IFT74: variants seen among roughly 807,000 people sequenced by gnomAD.
The protein encoded by IFT74 is intraflagellar transport 74.
IFT74 carries 92 observed loss-of-function variants against 96.7 expected under a neutral mutation model. That is an observed-to-expected ratio of 0.95 (90% CI 0.80 to 1.13). IFT74 has a LOEUF of 1.13. IFT74 is among the 50% of genes most tolerant of loss of function. The pLI is 0.00. For synonymous variants in IFT74, 223 were observed against 213.2 expected (o/e 1.05, Z -0.40); for missense variants, 811 against 698.2 (o/e 1.16, Z -1.82).
chr9:27,015,893 AAG>A (rs1341290357), intron 10 of IFT74, among the ~76,000 whole-genome samples: 1 of 152,208 alleles, frequency 6.6e-6, no homozygotes. Flanking sequence ...CTCAGTAAAC[AAG>A]AGTCTCAAAT....
intron 13 of IFT74, among the ~76,000 whole-genome samples, chr9:27,042,638 T>C (rs1222631386): frequency 6.6e-6 from 1 of 151,986 alleles, no homozygotes; most frequent in Non-Finnish European, 1.5e-5. Context: ...TCTCTTAAGA[T>C]TAAAAGAAAA....
At chr9:26,954,908 G>A (rs1458817377), upstream of IFT74, among the ~76,000 whole-genome samples, 1 of 152,056 alleles carries the variant, frequency 6.6e-6, no homozygotes. Flanking sequence ...AAGATATGGT[G>A]CCTACTCTAA....
At chr9:27,011,243 C>A (rs376113579) in intron 9 of IFT74, among the ~76,000 whole-genome samples, 1 of 152,036 alleles carries the variant, frequency 6.6e-6, no homozygotes, top group Non-Finnish European at 1.5e-5. Flanking sequence ...CAGAGCGAGA[C>A]TCTGTCTCAA....
chr9:26,962,926 A>ATTTT (rs370313745), intron 2 of IFT74, among the ~76,000 whole-genome samples: 1 of 136,536 alleles, frequency 7.3e-6, no homozygotes, highest in African/African-American at 2.7e-5. Flanking sequence ...AACTTTACTA[A>ATTTT]TTTTTTTTTT....
intron 6 of IFT74, 116 bp downstream of exon 6, chr9:26,984,675 A>G (rs1256095479): frequency 4.2e-6 from 3 of 719,612 alleles, no homozygotes; most frequent in Non-Finnish European, 6.9e-6. Flanking sequence ...AAAGAAGACA[A>G]ACATGCAGCC....
chr9:27,016,968 T>C lies in IFT74; in HGVS notation c.851T>C (p.Leu284Ser), dbSNP rs1269570553. The C allele has an allele frequency of 9.3e-6, 15 of 1,611,600 alleles. No individual in the cohort carries two copies. Among genetic ancestry groups the C allele is most frequent in the African/African-American group, 1.3e-5 (1 of 74,852 alleles). ...TTGCTGCATGAAAAACTTTATGAGTTGGAGTCCCATCGAGATCAAATGATT... is the reference window on the plus strand; with the variant it reads ...TTGCTGCATGAAAAACTTTATGAGTCGGAGTCCCATCGAGATCAAATGATT... ...AVLLHEKLYE[L>S]ESHRDQMIAE... is the part of the protein sequence containing the mutation. Residue 284 changes from leucine (L) to serine (S), a missense_variant, in exon 11 of 20, where the codon TTG becomes TCG. Physicochemically the swap from Leu to Ser is moderately radical, Grantham distance 145. Coordinates refer to ENST00000380062, the MANE Select transcript of IFT74 (RefSeq NM_025103.4).
chr9:27,019,326 TC>T (rs1829490932), intron 12 of IFT74, among the ~76,000 whole-genome samples: 1 of 151,952 alleles, frequency 6.6e-6, no homozygotes, highest in African/African-American at 2.4e-5. Flanking sequence ...ACCTCCCTTA[TC>T]CCTCTCCCAG....
chr9:26,998,281 AAATT>A (rs756223980), intron 8 of IFT74: 1 of 1,188,646 alleles, frequency 8.4e-7, no homozygotes, highest in South Asian at 2.0e-5. Context: ...ATCAGAAAAA[AAATT>A]AATAGAATTT....
intron 11 of IFT74, among the ~76,000 whole-genome samples, chr9:27,017,410 T>C (rs953636241): frequency 6.6e-6 from 1 of 152,078 alleles, no homozygotes; most frequent in South Asian, 2.1e-4. Flanking sequence ...TTTGTAGAGA[T>C]AGGGTTTTAC....
chr9:26,993,598 G>C (rs1281817273), intron 8 of IFT74: 8 of 152,290 alleles, frequency 5.3e-5, no homozygotes, highest in Non-Finnish European at 1.2e-4. Context: ...TTATGACATA[G>C]ATCTATTTTA....
chr9:26,974,602 C>T (rs1227125557), intron 2 of IFT74, among the ~76,000 whole-genome samples: 1 of 152,150 alleles, frequency 6.6e-6, no homozygotes, highest in South Asian at 2.1e-4. Flanking sequence ...TATTGTCCCA[C>T]CTGAGGTCTT....
At chr9:26,998,153 T>C in intron 8 of IFT74, 2 of 1,606,370 alleles carry the variant, frequency 1.2e-6, no homozygotes, top group South Asian at 2.2e-5. Context: ...AGTAATTTGG[T>C]TATAACTGAG....
chr9:26,975,996 A>G (rs1587269176), intron 2 of IFT74, among the ~76,000 whole-genome samples: 1 of 152,298 alleles, frequency 6.6e-6, no homozygotes, highest in African/African-American at 2.4e-5. Flanking sequence ...ATACACTTTT[A>G]TCCTCCAAGA....
rs1342333492 is a variant in IFT74 at position 26,995,430 on chromosome 9, A to G, written c.587+5235A>G. ...GTTGTCATTAATATGAATGCCTGCCAGCTGTATTTTGTTATGTCACATAGC... is the reference window on the plus strand; with the variant it reads ...GTTGTCATTAATATGAATGCCTGCCGGCTGTATTTTGTTATGTCACATAGC... On this transcript the variant is annotated intron_variant, in intron 8 of 19. Coordinates refer to ENST00000380062, the MANE Select transcript of IFT74 (RefSeq NM_025103.4). The G allele has an allele frequency of 5.7e-6, 4 of 700,838 alleles. No individual in the cohort carries two copies. The African/African-American group carries it at 7.2e-5, about 13-fold the overall frequency. 43.4% of individuals were successfully genotyped at this position (700,838 alleles called of 1,614,324 possible). A position where few individuals can be genotyped will look rare whatever the true frequency, so the allele number is the denominator to read the frequency against.
At chr9:27,019,940 C>T (rs1192127483) in intron 12 of IFT74, among the ~76,000 whole-genome samples, 3 of 151,842 alleles carry the variant, frequency 2.0e-5, no homozygotes, top group Non-Finnish European at 2.9e-5. Flanking sequence ...CATTTTACTA[C>T]CAGTCACCAG....
chr9:26,984,592 A>G, intron 6 of IFT74, 33 bp downstream of exon 6: 2 of 1,520,774 alleles, frequency 1.3e-6, no homozygotes, highest in Non-Finnish European at 1.8e-6. Context: ...ATTTACTGTT[A>G]ATATTTTCAT....
At chr9:27,031,322 C>G (rs1830111561) in intron 13 of IFT74, among the ~76,000 whole-genome samples, 1 of 151,982 alleles carries the variant, frequency 6.6e-6, no homozygotes, top group East Asian at 1.9e-4. Flanking sequence ...AAAAAATTAG[C>G]CGGGCCTGGT....
At chr9:27,003,454 C>G (rs1229098220) in intron 8 of IFT74, among the ~76,000 whole-genome samples, 1 of 151,666 alleles carries the variant, frequency 6.6e-6, no homozygotes, top group Non-Finnish European at 1.5e-5. Flanking sequence ...ACCTGGGAGG[C>G]AGAAGTTGCA....
chr9:27,013,043 C>A (rs1829181498), intron 10 of IFT74, among the ~76,000 whole-genome samples: 1 of 152,104 alleles, frequency 6.6e-6, no homozygotes, highest in African/African-American at 2.4e-5. Flanking sequence ...GTCCTTCTTT[C>A]CAGATAGAAC....
Sources: gnomAD v4.1 joint callset for allele counts (sites outside exome capture counted in the v4.1 genomes callset) on GRCh38, gnomAD v4.1.1 for gene constraint, MANE v1.5 for transcripts, NCBI Gene and HGNC (gene_info 2026-07-23, HGNC 2026-07-21) for gene names.